The following OCA2 variants were observed in gnomAD, a reference collection of about 807,000 sequenced individuals.
OCA2 encodes the protein OCA2 melanosomal transmembrane protein.
Under a neutral mutation model 100.2 loss-of-function variants are expected in OCA2, and 77 were observed. The observed-to-expected ratio is 0.77, with a 90% CI of 0.64 to 0.93. The LOEUF is 0.93. OCA2 is among the 40% of genes least tolerant of loss of function. OCA2 has a pLI of 0.00. For missense variants in OCA2, 1,062 were observed against 1,089.1 expected (o/e 0.98, Z 0.35); for synonymous variants, 432 against 439.2 (o/e 0.98, Z 0.21).
At chr15:27,969,710 A>G (rs1595737850) in intron 14 of OCA2, among the ~76,000 whole-genome samples, 1 of 152,284 alleles carries the variant, frequency 6.6e-6, no homozygotes, top group East Asian at 1.9e-4. Context: ...GGAACCCTCA[A>G]TCAGATCAGA....
At chr15:28,036,707 A>C (rs2043054454) in intron 2 of OCA2, among the ~76,000 whole-genome samples, 1 of 149,202 alleles carries the variant, frequency 6.7e-6, no homozygotes, top group Non-Finnish European at 1.5e-5. Context: ...ACAAAAAATG[A>C]GCTAAAAAAT....
At chr15:27,922,137 C>T (rs1039890918) in intron 19 of OCA2, among the ~76,000 whole-genome samples, 1 of 152,214 alleles carries the variant, frequency 6.6e-6, no homozygotes, top group South Asian at 2.1e-4. Context: ...CAGCTGCAGA[C>T]CGCAATCTAT....
At chr15:27,947,300 C>T (rs754672997) in intron 18 of OCA2, among the ~76,000 whole-genome samples, 2 of 152,254 alleles carry the variant, frequency 1.3e-5, no homozygotes, top group Non-Finnish European at 1.5e-5. Context: ...CTCATGCAGG[C>T]ACTGCAGACC....
chr15:27,843,292 G>A (rs942305858), intron 23 of OCA2, among the ~76,000 whole-genome samples: 1 of 152,134 alleles, frequency 6.6e-6, no homozygotes, highest in African/African-American at 2.4e-5. Context: ...CTGGTAGAGA[G>A]GGTGAACTGA....
chr15:28,022,434 G>A, intron 6 of OCA2, 67 bp downstream of exon 6: 5 of 1,156,464 alleles, frequency 4.3e-6, no homozygotes, highest in Non-Finnish European at 6.5e-6. Context: ...ACAACCGTCT[G>A]CAAGTGTCTC....
intron 23 of OCA2, among the ~76,000 whole-genome samples, chr15:27,831,969 C>A (rs578157243): frequency 6.6e-6 from 1 of 151,812 alleles, no homozygotes; most frequent in Non-Finnish European, 1.5e-5. Context: ...CGTCTCCAGC[C>A]CCCCGTGCTC....
intron 23 of OCA2, among the ~76,000 whole-genome samples, chr15:27,793,800 G>A (rs1387462902): frequency 6.6e-6 from 1 of 152,210 alleles, no homozygotes; most frequent in African/African-American, 2.4e-5. Flanking sequence ...CTCACCCAAT[G>A]ACAGAGCCTT....
At chr15:28,022,865 A>T (rs1274055614) in intron 5 of OCA2, among the ~76,000 whole-genome samples, 1 of 152,248 alleles carries the variant, frequency 6.6e-6, no homozygotes, top group African/African-American at 2.4e-5. Context: ...ACAATGGAGA[A>T]TAAAGGCATA....
In OCA2 at chr15:27,947,583, T is replaced by C. The variant is rs140649075; in HGVS notation, c.1951+4201A>G. On this transcript the variant is annotated intron_variant, in intron 18 of 23. Transcript: ENST00000354638. ...GAGCCCATGCCCCTGATGCCTTCTC[T>C]GCCTGGGCCGCCCTGCGGGTGCGGT... Among the ~76,000 whole-genome samples, 227 of 152,336 alleles carry C rather than the reference T, an allele frequency of 1.5e-3. 1 individual carries two copies. Among genetic ancestry groups the C allele is most frequent in the African/African-American group, 5.0e-3 (209 of 41,580 alleles).
chr15:27,950,196 A>C (rs1309248017), intron 18 of OCA2, among the ~76,000 whole-genome samples: 1 of 152,190 alleles, frequency 6.6e-6, no homozygotes, highest in African/African-American at 2.4e-5. Flanking sequence ...TTTAGTTTTT[A>C]AAATGCCTGC....
intron 23 of OCA2, among the ~76,000 whole-genome samples, chr15:27,843,912 C>T (rs1421168582): frequency 1.3e-5 from 2 of 152,172 alleles, no homozygotes; most frequent in Admixed American, 6.5e-5. Context: ...GCCACTCAAC[C>T]AAAGTTGAGG....
intron 23 of OCA2, among the ~76,000 whole-genome samples, chr15:27,758,672 T>G (rs2030585179): frequency 6.6e-6 from 1 of 152,122 alleles, no homozygotes; most frequent in Non-Finnish European, 1.5e-5. Context: ...ACATGGAAAT[T>G]TTTCAGTTCA....
chr15:27,959,298 A>C (rs1255224152), intron 15 of OCA2, among the ~76,000 whole-genome samples: 1 of 152,250 alleles, frequency 6.6e-6, no homozygotes, highest in Non-Finnish European at 1.5e-5. Context: ...AACAGATCCA[A>C]AATTTCCTCT....
intron 19 of OCA2, among the ~76,000 whole-genome samples, chr15:27,915,873 C>T (rs530425923): frequency 6.6e-6 from 1 of 152,256 alleles, no homozygotes; most frequent in Admixed American, 6.5e-5. Flanking sequence ...ATAAATCATT[C>T]TACCACAAAG....
intron 9 of OCA2, among the ~76,000 whole-genome samples, chr15:28,009,090 T>C (rs978535643): frequency 6.6e-6 from 1 of 152,214 alleles, no homozygotes; most frequent in African/African-American, 2.4e-5. Context: ...GGCTGGCGAT[T>C]GCATCCAGCC....
rs374736630 is a variant in OCA2, at chr15:27,755,215, A to C, written c.*173T>G. On this transcript the variant is annotated 3_prime_UTR_variant, in exon 24 of 24. Coordinates refer to ENST00000354638, the MANE Select transcript of OCA2 (RefSeq NM_000275.3). The stretch of plus-strand genomic sequence containing the variant: ...CACACAGAGGAGGTCATGGTGTTCC[A>C]ACATTCGCTTGAATTAGAGTGTTAG... 1.8e-4 allele frequency: 117 copies of C among 634,498 alleles called. 3 individuals carry two copies. The highest frequency in any genetic ancestry group is 1.2e-3 in the South Asian group (73 of 61,436). 39.3% of individuals were successfully genotyped at this position (634,498 alleles called of 1,614,324 possible). A position where few individuals can be genotyped will look rare whatever the true frequency, so the allele number is the denominator to read the frequency against.
intron 1 of OCA2, among the ~76,000 whole-genome samples, chr15:28,095,091 G>A (rs1219288952): frequency 6.6e-6 from 1 of 152,248 alleles, no homozygotes; most frequent in Non-Finnish European, 1.5e-5. Flanking sequence ...CTCAAGCTAG[G>A]CCGGGTCACC....
chr15:27,793,091 G>C (rs2033160779), intron 23 of OCA2, among the ~76,000 whole-genome samples: 1 of 152,126 alleles, frequency 6.6e-6, no homozygotes, highest in Non-Finnish European at 1.5e-5. Context: ...TATCCAACCA[G>C]CTTTGAAAGA....
chr15:28,046,488 G>C (rs1418653434), intron 2 of OCA2, among the ~76,000 whole-genome samples: 2 of 152,150 alleles, frequency 1.3e-5, no homozygotes, highest in Non-Finnish European at 2.9e-5. Context: ...CTTTCTGGGA[G>C]GACAGGAAAG....
Sources: allele counts gnomAD v4.1 joint callset (sites outside exome capture counted in the v4.1 genomes callset), GRCh38; gene constraint gnomAD v4.1.1; transcripts MANE v1.5; gene names NCBI Gene and HGNC (gene_info 2026-07-23, HGNC 2026-07-21).